The following DGKB variants were observed in gnomAD, a reference collection of about 807,000 sequenced individuals.
The protein encoded by DGKB is diacylglycerol kinase beta, also known as 90 kDa diacylglycerol kinase.
A neutral mutation model predicts 114.3 loss-of-function variants in DGKB; 67 were observed. The observed-to-expected ratio is 0.59, with a 90% confidence interval of 0.48 to 0.72. DGKB has a LOEUF of 0.72. Ranked by LOEUF, DGKB falls within the 30% of genes least tolerant of loss-of-function variation. The pLI is 0.00. For missense variants in DGKB, 907 were observed against 975.2 expected (o/e 0.93, Z 0.93); for synonymous variants, 398 against 323.1 (o/e 1.23, Z -2.49).
chr7:14,666,523 C>T (rs1818052612), intron 13 of DGKB, among the ~76,000 whole-genome samples: 1 of 151,854 alleles, frequency 6.6e-6, no homozygotes, highest in Non-Finnish European at 1.5e-5. Context: ...GCAGCAAGAA[C>T]CAAGAATGCA....
chr7:14,924,663 T>G (rs1225814248), intron 1 of DGKB, among the ~76,000 whole-genome samples: 1 of 152,200 alleles, frequency 6.6e-6, no homozygotes, highest in African/African-American at 2.4e-5. Flanking sequence ...TCCAATTTTT[T>G]TTTATTTCTA....
intron 13 of DGKB, among the ~76,000 whole-genome samples, chr7:14,648,027 C>T (rs1311545021): frequency 6.6e-6 from 1 of 152,204 alleles, no homozygotes; most frequent in African/African-American, 2.4e-5. Context: ...GCTAGCACAG[C>T]AGTCTGAGAT....
intron 13 of DGKB, among the ~76,000 whole-genome samples, chr7:14,667,315 C>T (rs376018988): frequency 3.3e-5 from 5 of 151,888 alleles, no homozygotes. Flanking sequence ...AGATACAAGG[C>T]TATGTGAGCT....
chr7:14,369,409 G>C (rs1817247696), intron 21 of DGKB, among the ~76,000 whole-genome samples: 1 of 152,148 alleles, frequency 6.6e-6, no homozygotes, highest in Non-Finnish European at 1.5e-5. Context: ...ATAGTAGAAT[G>C]ATTTATAATC....
intron 17 of DGKB, among the ~76,000 whole-genome samples, chr7:14,585,217 C>G (rs114345990): frequency 6.6e-6 from 1 of 151,956 alleles, no homozygotes; most frequent in East Asian, 1.9e-4. Context: ...ATATTTTATT[C>G]GGTTCTAATA....
At chr7:14,823,474 G>C (rs1257219484) in intron 2 of DGKB, among the ~76,000 whole-genome samples, 2 of 151,954 alleles carry the variant, frequency 1.3e-5, no homozygotes, top group African/African-American at 2.4e-5. Flanking sequence ...GAGAATTTCA[G>C]ATTTTTTTTG....
intron 25 of DGKB, among the ~76,000 whole-genome samples, chr7:14,154,884 T>C (rs998377811): frequency 1.9e-4 from 29 of 151,990 alleles, no homozygotes; most frequent in African/African-American, 6.0e-4. Flanking sequence ...TATACTATTT[T>C]GGTACCAACT....
intron 20 of DGKB, among the ~76,000 whole-genome samples, chr7:14,539,345 TC>T (rs1793042340): frequency 6.6e-6 from 1 of 152,072 alleles, no homozygotes; most frequent in African/African-American, 2.4e-5. Context: ...ATGAACCAAA[TC>T]CCACACTGTC....
At chr7:14,779,243 G>A (rs896757893) in intron 2 of DGKB, among the ~76,000 whole-genome samples, 2 of 152,112 alleles carry the variant, frequency 1.3e-5, no homozygotes, top group Non-Finnish European at 2.9e-5. Flanking sequence ...ATTTTTAATT[G>A]TAAAAGCAGG....
intron 6 of DGKB, among the ~76,000 whole-genome samples, chr7:14,703,120 T>C (rs1191765338): frequency 6.6e-6 from 1 of 152,164 alleles, no homozygotes; most frequent in African/African-American, 2.4e-5. Flanking sequence ...TTTCAAGAGA[T>C]TGTAGTGCAG....
chr7:14,157,441 A>C (rs1228856188), intron 25 of DGKB, among the ~76,000 whole-genome samples: 1 of 151,790 alleles, frequency 6.6e-6, no homozygotes, highest in African/African-American at 2.4e-5. Context: ...TTTAATGTTA[A>C]AGTCTTCGAT....
intron 23 of DGKB, among the ~76,000 whole-genome samples, chr7:14,246,952 C>T (rs545459908): frequency 1.7e-4 from 26 of 152,226 alleles, no homozygotes; most frequent in Non-Finnish European, 1.6e-4. Flanking sequence ...AAAACTAAAG[C>T]TTTGTACCCT....
chr7:14,838,432 T>G (rs1281503859), intron 2 of DGKB, among the ~76,000 whole-genome samples: 1 of 152,130 alleles, frequency 6.6e-6, no homozygotes. Flanking sequence ...CAAGCCAAAT[T>G]CAACATAACC....
At chr7:14,300,418 T>C (rs1230860568) in intron 23 of DGKB, among the ~76,000 whole-genome samples, 3 of 152,150 alleles carry the variant, frequency 2.0e-5, no homozygotes, top group South Asian at 2.1e-4. Context: ...AAATGGTTAA[T>C]GATATGACTC....
chr7:14,176,544 T>C (rs1781764488), intron 25 of DGKB: 1 of 1,067,026 alleles, frequency 9.4e-7, no homozygotes, highest in Non-Finnish European at 1.1e-6. Flanking sequence ...CTTTTATTAA[T>C]ATTTTGTTTA....
At chr7:14,242,447 C>G (rs1009161347) in intron 23 of DGKB, among the ~76,000 whole-genome samples, 1 of 152,112 alleles carries the variant, frequency 6.6e-6, no homozygotes, top group Admixed American at 6.6e-5. Context: ...ATCCTGACAG[C>G]TTTCGGTGCT....
chr7:14,480,783 G>A (rs1782871567), intron 20 of DGKB, among the ~76,000 whole-genome samples: 1 of 151,914 alleles, frequency 6.6e-6, no homozygotes, highest in Admixed American at 6.6e-5. Flanking sequence ...TTTAAAAGAG[G>A]ATACTGACAT....
chr7:14,332,780 G>T (rs1261960759), intron 23 of DGKB, among the ~76,000 whole-genome samples: 2 of 152,076 alleles, frequency 1.3e-5, no homozygotes, highest in African/African-American at 4.8e-5. Context: ...GGGAAATTCT[G>T]CCCGAAGAAA....
At chr7:14,646,506 A>G (rs959815948) in intron 13 of DGKB, among the ~76,000 whole-genome samples, 4 of 152,194 alleles carry the variant, frequency 2.6e-5, no homozygotes, top group African/African-American at 9.6e-5. Context: ...ATAGATATTT[A>G]CAGAGTATTT....
Sources: allele counts gnomAD v4.1 joint callset (sites outside exome capture counted in the v4.1 genomes callset), GRCh38; gene constraint gnomAD v4.1.1; transcripts MANE v1.5; gene names NCBI Gene and HGNC (gene_info 2026-07-23, HGNC 2026-07-21).